Variants in AARS1 observed in about 807,000 individuals in gnomAD.
The protein encoded by AARS1 is alanyl-tRNA synthetase 1.
Under a neutral mutation model 108.9 loss-of-function variants are expected in AARS1, and 72 were observed. The observed-to-expected ratio is 0.66, with a 90% CI of 0.55 to 0.80. AARS1 has a LOEUF of 0.80. Ranked by LOEUF, AARS1 falls within the 30% of genes least tolerant of loss-of-function variation. The pLI, the probability that AARS1 is intolerant of heterozygous loss-of-function variation, is 0.00. For synonymous variants in AARS1, 489 were observed against 465.7 expected, an observed-to-expected ratio of 1.05 and a Z score of -0.64; for missense variants, 1,193 against 1,233.2, an observed-to-expected ratio of 0.97 and a Z score of 0.49.
intron 1 of AARS1, among the ~76,000 whole-genome samples, chr16:70,288,303 G>C (rs1960914552): frequency 6.7e-6 from 1 of 149,602 alleles, no homozygotes; most frequent in Non-Finnish European, 1.5e-5. Flanking sequence ...TAGAGATGGG[G>C]TTTCACCGTG....
At chr16:70,284,664 GGA>G (rs1451863593) in intron 1 of AARS1, among the ~76,000 whole-genome samples, 1 of 152,160 alleles carries the variant, frequency 6.6e-6, no homozygotes, top group Admixed American at 6.6e-5. Context: ...GGTAGGCTGG[GGA>G]GAAGTGACAG....
Position 70,252,841 on chromosome 16 carries a change from A to G in AARS1, c.2787T>C (p.Gly929=). The change falls in exon 21 of 21, where the codon GGT becomes GGC. Residue 929 remains glycine (G), a synonymous_variant. Coordinates refer to ENST00000261772, the MANE Select transcript of AARS1 (RefSeq NM_001605.3). ...CAGACACATCCTTGCCACCACCTTT[A>G]CCGTCCATCAAGCCTGACACCTGCT... is the stretch of plus-strand genomic sequence containing the variant. ...WVQQVSGLMD[G]KGGGKDVSAQ... The G allele has an allele frequency of 6.2e-7, 1 of 1,614,048 alleles. No homozygotes were observed. Among genetic ancestry groups the G allele is most frequent in the South Asian group, 1.1e-5 (1 of 91,074 alleles).
chr16:70,272,473 T>C (rs1960430700), intron 4 of AARS1, among the ~76,000 whole-genome samples: 1 of 110,504 alleles, frequency 9.0e-6, no homozygotes, highest in Non-Finnish European at 1.6e-5. Context: ...GCCATTGCAC[T>C]CCAGCCTGGG....
intron 13 of AARS1, among the ~76,000 whole-genome samples, chr16:70,259,723 C>A (rs898021943): frequency 2.6e-5 from 4 of 151,604 alleles, no homozygotes; most frequent in African/African-American, 9.7e-5. Flanking sequence ...TGGCCTCAAG[C>A]AATCCTCCCA....
At chr16:70,272,950 A>T (rs940470116) in intron 4 of AARS1, among the ~76,000 whole-genome samples, 4 of 147,320 alleles carry the variant, frequency 2.7e-5, no homozygotes, top group Non-Finnish European at 5.9e-5. Flanking sequence ...TTATCTTTTA[A>T]AAGCTACACT....
chr16:70,265,166 G>C (rs968859756), intron 10 of AARS1, 64 bp from the exon 11 acceptor site: 3 of 1,597,784 alleles, frequency 1.9e-6, no homozygotes, highest in Non-Finnish European at 2.6e-6. Flanking sequence ...CCAAAGGACT[G>C]GAACTTGCTA....
At position 70,271,849 on chromosome 16, in the gene AARS1, T is replaced by C. The variant is rs1436103102; in HGVS notation, c.603A>G (p.Ala201=). Residue 201 remains alanine, a synonymous_variant, in exon 5 of 21, where the codon GCA becomes GCG. Coordinates refer to ENST00000261772, the MANE Select transcript of AARS1 (RefSeq NM_001605.3). ...TAGGGTCGTCCTGGTTGACAAGATG[T>C]GCGGCGTCCCGACCACCAATCCGGT... is the stretch of plus-strand genomic sequence containing the variant. ...HYDRIGGRDA[A]HLVNQDDPNV... The C allele has an allele frequency of 7.4e-6, 12 of 1,614,098 alleles. 1 individual carries two copies. The South Asian group carries it at 1.1e-4, about 15-fold the overall frequency.
At chr16:70,260,948 C>T (rs1044236166) in intron 13 of AARS1, 96 bp downstream of exon 13, 3 of 977,214 alleles carry the variant, frequency 3.1e-6, no homozygotes, top group Non-Finnish European at 4.8e-6. Context: ...AAGTGTGAGC[C>T]ACCACACCCG....
chr16:70,261,268 G>GCA (rs561956505), intron 12 of AARS1, 111 bp from the exon 13 acceptor site: 488 of 720,204 alleles, frequency 6.8e-4, no homozygotes, highest in Non-Finnish European at 1.0e-3. Context: ...TATGTAAATT[G>GCA]CACACACACA....
At position 70,253,354 on chromosome 16, in the gene AARS1, TGAA is replaced by T; in HGVS notation, c.2632_2634del (p.Phe878del). Reference sequence around the variant, plus strand: ...GCAGAAGTCTGAGGGGAGTGCATCTTGAAGAGCTTCAAGGCTTCATTCAGGGCC... The same window carrying T: ...GCAGAAGTCTGAGGGGAGTGCATCTTGAGCTTCAAGGCTTCATTCAGGGCC... On this transcript the variant is annotated inframe_deletion, in exon 20 of 21. Transcript: ENST00000261772. 1 of 1,614,070 alleles carries T rather than the reference TGAA, an allele frequency of 6.2e-7. No homozygotes were observed. Among genetic ancestry groups the T allele is most frequent in the Middle Eastern group, 1.6e-4 (1 of 6,062 alleles).
chr16:70,269,354 A>G (rs1266546788), intron 7 of AARS1, among the ~76,000 whole-genome samples: 1 of 128,104 alleles, frequency 7.8e-6, no homozygotes, highest in Non-Finnish European at 1.7e-5. Context: ...AAAAAAAAAA[A>G]AAAAAACAAC....
At chr16:70,263,833 C>T (rs1038461561) in intron 11 of AARS1, among the ~76,000 whole-genome samples, 3 of 151,916 alleles carry the variant, frequency 2.0e-5, no homozygotes, top group Non-Finnish European at 2.9e-5. Context: ...GACAGGGTTT[C>T]GCCATGTTGC....
chr16:70,271,811 A>G lies in AARS1; in HGVS notation c.641T>C (p.Ile214Thr). Reference protein sequence around the residue: ...VNQDDPNVLEIWNLVFIQYNR... With the variant: ...VNQDDPNVLETWNLVFIQYNR... ...ATACTGGATGAACACAAGGTTCCAG[A>G]TCTCCAGCACATTAGGGTCGTCCTG... Residue 214 changes from isoleucine to threonine, a missense_variant, in exon 5 of 21, where the codon ATC becomes ACC. By Grantham distance (89) the Ile-to-Thr change is moderately conservative. Transcript: ENST00000261772. The G allele has an allele frequency of 6.2e-7, 1 of 1,613,796 alleles. No individual in the cohort carries two copies. The highest frequency in any genetic ancestry group is 8.5e-7 in the Non-Finnish European group (1 of 1,179,788).
Position 70,268,376 on chromosome 16 carries a change from A to C in AARS1, c.966T>G (p.Tyr322Ter), listed in dbSNP as rs145859060. The change falls in exon 8 of 21, where the codon TAT (tyrosine) becomes TAG (stop). Residue 322 changes from tyrosine to a stop codon, truncating the protein, a stop_gained. Coordinates refer to ENST00000261772, the MANE Select transcript of AARS1 (RefSeq NM_001605.3). LOFTEE classifies it high-confidence loss of function. ...CTCGGCGGAGAATCCGTCTCAACAC[A>C]TATCTGTAAGAGGCAAAAACTAGTC... ...GGRPDNTGRG[Y>*]VLRRILRRAV... 3 of 1,614,036 alleles carry C rather than the reference A, an allele frequency of 1.9e-6. No homozygotes were observed. Among genetic ancestry groups the C allele is most frequent in the Non-Finnish European group, 2.5e-6 (3 of 1,179,922 alleles).
At position 70,257,999 on chromosome 16, in the gene AARS1, T is replaced by TG. The variant is rs769098292; in HGVS notation, c.2177+33dup. ...TACATCCTCAGAGGATGAAGGTAGA[T>TG]GACCTGTCTACTCTGCCCCTCTGCA... On this transcript the variant is annotated intron_variant, in intron 15 of 20. Coordinates refer to ENST00000261772, the MANE Select transcript of AARS1 (RefSeq NM_001605.3). The TG allele has an allele frequency of 3.1e-6, 5 of 1,611,766 alleles. No homozygotes were observed. The East Asian group carries it at 1.1e-4, about 36-fold the overall frequency.
At chr16:70,268,505 C>T (rs1960319536) in intron 7 of AARS1, 126 bp from the exon 8 acceptor site, 5 of 736,032 alleles carry the variant, frequency 6.8e-6, no homozygotes, top group African/African-American at 1.8e-5. Flanking sequence ...GCTTCTTTCG[C>T]ATTCCCCAAG....
At chr16:70,261,597 CAAA>C (rs1182697811) in intron 12 of AARS1, among the ~76,000 whole-genome samples, 3 of 58,372 alleles carry the variant, frequency 5.1e-5, no homozygotes, top group African/African-American at 1.2e-4. Context: ...GACTCCATCT[CAAA>C]AAAAAAAAAA....
In AARS1 at chr16:70,267,654, C is replaced by A. The variant is rs753136024; in HGVS notation, c.1222+5G>T. 3.0e-5 allele frequency: 48 copies of A among 1,614,034 alleles called. No homozygotes were observed. The African/African-American group carries it at 4.5e-4, about 15-fold the overall frequency. ...GGATGGAGAAGGGCAAAAACTGGTA[C>A]CTACCGGGAATGGTCTTGCTGTCTC... is the stretch of plus-strand genomic sequence containing the variant. On this transcript the variant is annotated splice_donor_5th_base_variant and intron_variant, in intron 9 of 20. Transcript: ENST00000261772.
chr16:70,259,844 C>T (rs1371683848), intron 13 of AARS1, among the ~76,000 whole-genome samples: 1 of 151,920 alleles, frequency 6.6e-6, no homozygotes, highest in African/African-American at 2.4e-5. Flanking sequence ...ATGATCTCGG[C>T]TCACTGCAGC....
Sources: gnomAD v4.1 joint callset for allele counts (sites outside exome capture counted in the v4.1 genomes callset) on GRCh38, gnomAD v4.1.1 for gene constraint, MANE v1.5 for transcripts, NCBI Gene and HGNC (gene_info 2026-07-23, HGNC 2026-07-21) for gene names.